The following RBFOX3 variants were observed in gnomAD, a reference collection of about 807,000 sequenced individuals.
RBFOX3 encodes RNA binding protein fox-1 homolog 3.
RBFOX3 carries 17 observed loss-of-function variants against 48.7 expected under a neutral mutation model. That is an observed-to-expected ratio of 0.35 (90% CI 0.24 to 0.52). RBFOX3 has a LOEUF of 0.52. Among genes scored for constraint, RBFOX3 ranks in the 20% least tolerant of loss-of-function variants. RBFOX3 has a pLI of 0.94. For missense variants in RBFOX3, 382 were observed against 497.5 expected, an observed-to-expected ratio of 0.77 and a Z score of 2.21; for synonymous variants, 212 against 209.5, an observed-to-expected ratio of 1.01 and a Z score of -0.10.
rs141679587 is a variant in RBFOX3, at chr17:79,306,381, G to A, written c.-74+1343C>T. ...AGAGCGCCAGCCATGGCCCGCACGC[G>A]TGTGACTCTCTTGGAATTTGGCTGA... On this transcript the variant is annotated intron_variant, in intron 3 of 14. Transcript: ENST00000693108. 3.4e-3 allele frequency among the ~76,000 whole-genome samples: 515 copies of A among 152,378 alleles called. 3 individuals carry two copies. The highest frequency in any genetic ancestry group is 9.8e-3 in the African/African-American group (409 of 41,592).
intron 1 of RBFOX3, among the ~76,000 whole-genome samples, chr17:79,513,305 G>A (rs2084768017): frequency 6.6e-6 from 1 of 152,134 alleles, no homozygotes; most frequent in African/African-American, 2.4e-5. Flanking sequence ...CGGTCCCATG[G>A]CCAGGTGACA....
rs748680017 is a variant in RBFOX3 at position 79,216,937 on chromosome 17, CCT to C, written c.-34+18827_-34+18828del. Among the ~76,000 whole-genome samples, 34 of 152,278 alleles carry C rather than the reference CCT, an allele frequency of 2.2e-4. 1 individual carries two copies. Among genetic ancestry groups the C allele is most frequent in the Admixed American group, 1.3e-3 (20 of 15,296 alleles). On this transcript the variant is annotated intron_variant, in intron 4 of 14. Coordinates refer to ENST00000693108, the MANE Select transcript of RBFOX3 (RefSeq NM_001350451.2). The stretch of plus-strand genomic sequence containing the variant: ...CCCAGCAGCCTTTTTACCCCCGGCC[CCT>C]GTCTCCCCACCGTGGTGGCAGCCCT...
chr17:79,214,567 G>C lies in RBFOX3; in HGVS notation c.-34+21199C>G, dbSNP rs1336354422. 2.6e-5 allele frequency among the ~76,000 whole-genome samples: 4 copies of C among 151,940 alleles called. No homozygotes were observed. The highest frequency in any genetic ancestry group is 2.1e-4 in the South Asian group (1 of 4,800). On this transcript the variant is annotated intron_variant, in intron 4 of 14. Transcript: ENST00000693108. This position sits in a 1 kb window ranked among gnomAD's most constrained non-coding sequence, Gnocchi z 4.7. ...GCCAAGTGGGAGGGATGTCTGGGGG[G>C]GGTCTCGGAGGAAGCAGGAAGGGTT...
chr17:79,536,570 T>C (rs542231943), intron 1 of RBFOX3, among the ~76,000 whole-genome samples: 9 of 152,314 alleles, frequency 5.9e-5, no homozygotes, highest in African/African-American at 2.2e-4. Flanking sequence ...TCCATTGCCC[T>C]GATGGGCAAG....
At chr17:79,183,041 C>T (rs941876707) in intron 4 of RBFOX3, among the ~76,000 whole-genome samples, 5 of 149,478 alleles carry the variant, frequency 3.3e-5, no homozygotes, top group African/African-American at 1.2e-4. Context: ...CAAACTCCGG[C>T]CCCCCCGCCT....
chr17:79,563,486 G>T (rs2092334840), intron 1 of RBFOX3, among the ~76,000 whole-genome samples: 1 of 152,216 alleles, frequency 6.6e-6, no homozygotes. Context: ...CAGCACATTT[G>T]ATTTCATGGC....
chr17:79,369,230 C>T (rs774330103), intron 2 of RBFOX3, among the ~76,000 whole-genome samples: 4 of 152,144 alleles, frequency 2.6e-5, no homozygotes, highest in Admixed American at 6.5e-5. Flanking sequence ...CCTGTGGCAC[C>T]GGGTGCCAAC....
intron 1 of RBFOX3, among the ~76,000 whole-genome samples, chr17:79,589,219 G>A (rs1281417980): frequency 6.6e-5 from 10 of 151,936 alleles, no homozygotes; most frequent in Non-Finnish European, 1.5e-4. Context: ...TTGCGCTGCG[G>A]CAGGCTGCCG....
intron 2 of RBFOX3, among the ~76,000 whole-genome samples, chr17:79,455,733 G>T (rs756484198): frequency 6.6e-6 from 1 of 152,032 alleles, no homozygotes; most frequent in Non-Finnish European, 1.5e-5. Flanking sequence ...TCAGACGGAC[G>T]CAGACATTCA....
rs1453115747 is a variant in RBFOX3, at chr17:79,535,353, G to A, written c.-319-52755C>T. Among the ~76,000 whole-genome samples the A allele has an allele frequency of 1.3e-5, 2 of 152,224 alleles. No homozygotes were observed. The highest frequency in any genetic ancestry group is 4.8e-5 in the African/African-American group (2 of 41,462). ...GGGGATCACCTATAGGTAAGGAGAA[G>A]AGGGAGGGTGACAGAGGCTCCCAGA... On this transcript the variant is annotated intron_variant, in intron 1 of 14. Coordinates refer to ENST00000693108, the MANE Select transcript of RBFOX3 (RefSeq NM_001350451.2). This position sits in a 1 kb window ranked among gnomAD's most constrained non-coding sequence, Gnocchi z 4.5.
intron 3 of RBFOX3, among the ~76,000 whole-genome samples, chr17:79,256,965 A>G (rs2064982041): frequency 2.0e-5 from 3 of 152,000 alleles, no homozygotes; most frequent in Admixed American, 6.6e-5. Context: ...AAAACAAAAA[A>G]AAGAAAAAGA....
At chr17:79,170,170 A>AGGAAGGGAGGAGGAAGGAGGAG in intron 4 of RBFOX3, among the ~76,000 whole-genome samples, 1 of 149,070 alleles carries the variant, frequency 6.7e-6, no homozygotes, top group African/African-American at 2.5e-5. Context: ...GGAAGGAGGA[A>AGGAAGGGAGGAGGAAGGAGGAG]GGAAGGGGAA....
chr17:79,586,101 C>G (rs1215997571), intron 1 of RBFOX3, among the ~76,000 whole-genome samples: 1 of 152,228 alleles, frequency 6.6e-6, no homozygotes, highest in African/African-American at 2.4e-5. Flanking sequence ...TGCAATGTGA[C>G]TTTGTAGCTC....
chr17:79,306,664 G>A (rs1447321785), intron 3 of RBFOX3, among the ~76,000 whole-genome samples: 1 of 152,238 alleles, frequency 6.6e-6, no homozygotes, highest in Non-Finnish European at 1.5e-5. Flanking sequence ...GAGGGTGCAG[G>A]CAAGAAGGAA....
rs1452299124 is a variant in RBFOX3, at chr17:79,216,386, G to C, written c.-34+19380C>G. 3.3e-5 allele frequency among the ~76,000 whole-genome samples: 5 copies of C among 152,330 alleles called. No individual in the cohort carries two copies. In the South Asian group the frequency reaches 1.0e-3, roughly 32 times the overall value. ...GGGGACCACGGAGCAGGTGGGGAGG[G>C]GTCTCCTGGCTGGGACCACCTGGAG... is the stretch of plus-strand genomic sequence containing the variant. On this transcript the variant is annotated intron_variant, in intron 4 of 14. Transcript: ENST00000693108.
At chr17:79,105,012 C>A (rs1360469439) in intron 6 of RBFOX3, among the ~76,000 whole-genome samples, 1 of 152,096 alleles carries the variant, frequency 6.6e-6, no homozygotes, top group African/African-American at 2.4e-5. Context: ...ATGGGGCAGC[C>A]CTGTCTCTCT....
At chr17:79,441,946 G>A (rs1030419593) in intron 2 of RBFOX3, among the ~76,000 whole-genome samples, 10 of 151,978 alleles carry the variant, frequency 6.6e-5, no homozygotes, top group Non-Finnish European at 1.2e-4. Context: ...TCAGGAGCCC[G>A]GGCCCCGCCT....
chr17:79,410,839 G>A (rs867570548), intron 2 of RBFOX3, among the ~76,000 whole-genome samples: 1 of 152,034 alleles, frequency 6.6e-6, no homozygotes, highest in African/African-American at 2.4e-5. Context: ...CTTGACTGCC[G>A]GCCCCAGGAA....
upstream of RBFOX3, among the ~76,000 whole-genome samples, chr17:79,612,877 G>A (rs2093979534): frequency 6.6e-6 from 1 of 152,186 alleles, no homozygotes; most frequent in South Asian, 2.1e-4. Flanking sequence ...TCGCTGTGCC[G>A]GCAGTGCCCC....
Sources: allele counts gnomAD v4.1 joint callset (sites outside exome capture counted in the v4.1 genomes callset), GRCh38; gene constraint gnomAD v4.1.1; non-coding constraint Gnocchi (gnomAD v3.1); transcripts MANE v1.5; gene names NCBI Gene and HGNC (gene_info 2026-07-23, HGNC 2026-07-21).